The following NALF1 variants were observed in gnomAD, a reference collection of about 807,000 sequenced individuals.
NALF1 encodes the protein family with sequence similarity 155 member A.
In NALF1, 3 loss-of-function variants were observed where a neutral mutation model predicts 48.4. The ratio of observed to expected loss-of-function variants is 0.06; its 90% CI spans 0.03 to 0.16. The LOEUF is 0.16. NALF1 is among the 10% of genes least tolerant of loss of function. NALF1 has a pLI of 1.00. For missense variants in NALF1, 526 were observed against 571.5 expected, an observed-to-expected ratio of 0.92 and a Z score of 0.81; for synonymous variants, 262 against 245.7, an observed-to-expected ratio of 1.07 and a Z score of -0.62.
intron 1 of NALF1, among the ~76,000 whole-genome samples, chr13:107,834,085 C>A (rs956688134): frequency 6.6e-6 from 1 of 152,044 alleles, no homozygotes; most frequent in South Asian, 2.1e-4. Flanking sequence ...GAATTAAACA[C>A]CAATTTTAAA....
chr13:107,410,185 T>C (rs1017092843), intron 1 of NALF1, among the ~76,000 whole-genome samples: 1 of 152,172 alleles, frequency 6.6e-6, no homozygotes, highest in Non-Finnish European at 1.5e-5. Context: ...TTCTTTTAAG[T>C]TGGGTTGATG....
chr13:107,657,003 G>C (rs1880596323), intron 1 of NALF1, among the ~76,000 whole-genome samples: 1 of 151,990 alleles, frequency 6.6e-6, no homozygotes, highest in Non-Finnish European at 1.5e-5. Flanking sequence ...AGGACTGTGT[G>C]GGGGTGTGGG....
intron 1 of NALF1, among the ~76,000 whole-genome samples, chr13:107,594,623 G>A (rs780287386): frequency 6.6e-6 from 1 of 151,952 alleles, no homozygotes; most frequent in South Asian, 2.1e-4. Context: ...AACAGGAAAC[G>A]ATAAAAATAG....
At chr13:107,855,316 G>C (rs1170505915) in intron 1 of NALF1, among the ~76,000 whole-genome samples, 2 of 152,192 alleles carry the variant, frequency 1.3e-5, no homozygotes, top group East Asian at 3.9e-4. Context: ...GGAGAGCTTT[G>C]AATGTGGCCC....
At chr13:107,661,021 C>A (rs183532881) in intron 1 of NALF1, among the ~76,000 whole-genome samples, 2 of 152,254 alleles carry the variant, frequency 1.3e-5, no homozygotes, top group African/African-American at 4.8e-5. Flanking sequence ...GGGAAAAAAT[C>A]CGTAAGTTGA....
At chr13:107,844,021 T>C (rs901635275) in intron 1 of NALF1, among the ~76,000 whole-genome samples, 3 of 152,200 alleles carry the variant, frequency 2.0e-5, no homozygotes, top group Admixed American at 6.5e-5. Context: ...TAGTCTTTAC[T>C]TTCTGCATAA....
At chr13:107,519,189 T>C (rs756760399) in intron 1 of NALF1, among the ~76,000 whole-genome samples, 2 of 151,610 alleles carry the variant, frequency 1.3e-5, no homozygotes, top group Admixed American at 1.3e-4. Context: ...TTTACAGGGG[T>C]CTCCAACCAG....
At position 107,613,244 on chromosome 13, in the gene NALF1, G is replaced by A. The variant is rs375747297; in HGVS notation, c.915+252438C>T. Among the ~76,000 whole-genome samples, 32 of 152,242 alleles carry A rather than the reference G, an allele frequency of 2.1e-4. 1 individual carries two copies. The South Asian group carries it at 6.4e-3, about 31-fold the overall frequency. ...TTTGTTATGTTTAATCTTGAATGAAGAGGCAGACTGTTATATTAAGAGGCA... is the reference window on the plus strand; with the variant it reads ...TTTGTTATGTTTAATCTTGAATGAAAAGGCAGACTGTTATATTAAGAGGCA... On this transcript the variant is annotated intron_variant, in intron 1 of 2. Transcript: ENST00000375915.
intron 1 of NALF1, among the ~76,000 whole-genome samples, chr13:107,757,221 A>G (rs768769510): frequency 2.6e-5 from 4 of 152,150 alleles, no homozygotes; most frequent in Non-Finnish European, 4.4e-5. Flanking sequence ...ATATCTGGCA[A>G]AGTGAGGTCA....
At chr13:107,536,344 A>G (rs1876810565) in intron 1 of NALF1, among the ~76,000 whole-genome samples, 1 of 152,214 alleles carries the variant, frequency 6.6e-6, no homozygotes, top group Admixed American at 6.5e-5. Context: ...CAAAGGGCTA[A>G]TATCCAAAAT....
intron 1 of NALF1, among the ~76,000 whole-genome samples, chr13:107,318,326 G>GT (rs1408211025): frequency 1.3e-5 from 2 of 151,998 alleles, no homozygotes; most frequent in Non-Finnish European, 2.9e-5. Context: ...ATTTGTATTC[G>GT]TATCTTTTTG....
Position 107,197,663 on chromosome 13 carries a change from C to T in NALF1, c.1087+12921G>A, listed in dbSNP as rs554235546. Among the ~76,000 whole-genome samples the T allele has an allele frequency of 1.4e-4, 21 of 152,328 alleles. No individual in the cohort carries two copies. The South Asian group carries it at 3.7e-3, about 27-fold the overall frequency. On this transcript the variant is annotated intron_variant, in intron 2 of 2. Transcript: ENST00000375915. ...CAGTAAACAACATGGCACTCACCTG[C>T]TGGAGTGGGGCAGCAGCTTGGCCCC...
rs554775680 is a variant in NALF1, at chr13:107,441,289, TA to T, written c.916-230535del. Among the ~76,000 whole-genome samples, 222 of 152,316 alleles carry T rather than the reference TA, an allele frequency of 1.5e-3. 1 individual carries two copies. The highest frequency in any genetic ancestry group is 5.1e-3 in the African/African-American group (214 of 41,572). ...ACCAGACATGACCACCTGAAGTATG[TA>T]AGTCAATAACTATGAAGTTGTTCAT... On this transcript the variant is annotated intron_variant, in intron 1 of 2. Coordinates refer to ENST00000375915, the MANE Select transcript of NALF1 (RefSeq NM_001080396.3).
At chr13:107,360,637 C>A (rs572961122) in intron 1 of NALF1, among the ~76,000 whole-genome samples, 1 of 151,948 alleles carries the variant, frequency 6.6e-6, no homozygotes, top group East Asian at 1.9e-4. Context: ...AGTAAATAAC[C>A]GACATTATAT....
intron 1 of NALF1, among the ~76,000 whole-genome samples, chr13:107,461,612 AT>A (rs750286181): frequency 4.6e-5 from 7 of 152,228 alleles, no homozygotes; most frequent in Non-Finnish European, 8.8e-5. Context: ...TAGGTCAAAA[AT>A]ATTTTCAAGT....
At chr13:107,729,509 C>T in intron 1 of NALF1, among the ~76,000 whole-genome samples, 1 of 151,650 alleles carries the variant, frequency 6.6e-6, no homozygotes, top group East Asian at 1.9e-4. Flanking sequence ...CAGTGTCTTG[C>T]TCTGTCACCC....
intron 1 of NALF1, among the ~76,000 whole-genome samples, chr13:107,784,307 T>TA (rs1878009404): frequency 6.6e-6 from 1 of 152,194 alleles, no homozygotes; most frequent in South Asian, 2.1e-4. Flanking sequence ...TGCAGGTAAC[T>TA]ACTGAAACAA....
At chr13:107,720,510 C>CAA (rs56380251) in intron 1 of NALF1, among the ~76,000 whole-genome samples, 11,249 of 59,798 alleles carry the variant, frequency 0.19, 2,824 homozygotes, top group Middle Eastern at 0.32. Context: ...GACTGCATCT[C>CAA]AAAAAAAAAA....
intron 2 of NALF1, among the ~76,000 whole-genome samples, chr13:107,206,575 A>G (rs372198369): frequency 3.3e-5 from 5 of 152,222 alleles, no homozygotes; most frequent in African/African-American, 1.2e-4. Flanking sequence ...ACTCCTGATC[A>G]TTTACAGAAA....
Sources: gnomAD v4.1 joint callset for allele counts (sites outside exome capture counted in the v4.1 genomes callset) on GRCh38, gnomAD v4.1.1 for gene constraint, MANE v1.5 for transcripts, NCBI Gene and HGNC (gene_info 2026-07-23, HGNC 2026-07-21) for gene names.